The following ZNF407 variants were observed in gnomAD, a reference collection of about 807,000 sequenced individuals.
The protein encoded by ZNF407 is zinc finger protein 407.
ZNF407 carries 17 observed loss-of-function variants against 131.2 expected under a neutral mutation model. The ratio of observed to expected loss-of-function variants is 0.13; its 90% CI spans 0.09 to 0.19. ZNF407 has a LOEUF of 0.19. Ranked by LOEUF, ZNF407 falls within the 10% of genes least tolerant of loss-of-function variation. The probability of loss-of-function intolerance (pLI) is 1.00; values close to 1 mark genes in which losing one functional copy is unlikely to be tolerated. For missense variants in ZNF407, 2,681 were observed against 2,830.6 expected (o/e 0.95, Z 1.20); for synonymous variants, 1,156 against 1,062.0 (o/e 1.09, Z -1.72).
chr18:74,795,811 C>T (rs149725461), intron 4 of ZNF407, among the ~76,000 whole-genome samples: 19 of 152,318 alleles, frequency 1.2e-4, no homozygotes, highest in African/African-American at 3.1e-4. Flanking sequence ...TCGTAAATGA[C>T]GGGTACATGC....
chr18:75,007,940 G>T (rs1179343297), intron 8 of ZNF407, among the ~76,000 whole-genome samples: 1 of 152,196 alleles, frequency 6.6e-6, no homozygotes, highest in African/African-American at 2.4e-5. Flanking sequence ...TTCGAAAGTG[G>T]TTTCTAGACA....
At position 75,064,393 on chromosome 18, in the gene ZNF407, C is replaced by T. The variant is rs1202965491; in HGVS notation, c.6672C>T (p.Ile2224=). Residue 2224 remains isoleucine (I), a synonymous_variant, in exon 9 of 9, where the codon ATC becomes ATT. Coordinates refer to ENST00000299687, the MANE Select transcript of ZNF407 (RefSeq NM_017757.3). ...SRAEQLASVV[I]YTQEGSSAAA... ...CAGAGCAGCTGGCCAGCGTGGTCAT[C>T]TACACCCAGGAGGGCTCCTCGGCCG... 3 of 1,561,934 alleles carry T rather than the reference C, an allele frequency of 1.9e-6. No homozygotes were observed. In the East Asian group the frequency reaches 7.1e-5, roughly 37 times the overall value.
At chr18:74,613,413 C>T (rs1299915662) in intron 1 of ZNF407, among the ~76,000 whole-genome samples, 1 of 152,208 alleles carries the variant, frequency 6.6e-6, no homozygotes, top group Non-Finnish European at 1.5e-5. Context: ...AATTACCTCT[C>T]CTGTGAAGCC....
intron 8 of ZNF407, among the ~76,000 whole-genome samples, chr18:75,052,014 C>G (rs1266767361): frequency 6.6e-6 from 1 of 152,158 alleles, no homozygotes; most frequent in African/African-American, 2.4e-5. Flanking sequence ...TAGATTCGCA[C>G]TCAGGAGAGG....
chr18:74,985,188 T>TA (rs1972638588), intron 8 of ZNF407, among the ~76,000 whole-genome samples: 1 of 152,214 alleles, frequency 6.6e-6, no homozygotes, highest in South Asian at 2.1e-4. Context: ...ATCACCCTGT[T>TA]AAACAGTTTC....
chr18:74,719,333 C>T (rs1682041656), intron 3 of ZNF407, among the ~76,000 whole-genome samples: 2 of 152,314 alleles, frequency 1.3e-5, no homozygotes, highest in African/African-American at 4.8e-5. Context: ...TTCCTCCCTT[C>T]CTCCTACGCT....
intron 8 of ZNF407, among the ~76,000 whole-genome samples, chr18:74,926,176 A>T (rs985053616): frequency 6.6e-5 from 10 of 152,196 alleles, no homozygotes; most frequent in African/African-American, 7.2e-5. Context: ...AGTACCCTCA[A>T]TGTCCATCAT....
chr18:74,646,263 C>T (rs1479842111), intron 3 of ZNF407, among the ~76,000 whole-genome samples: 2 of 152,054 alleles, frequency 1.3e-5, no homozygotes, highest in Admixed American at 6.5e-5. Flanking sequence ...TTAGTTACAC[C>T]CATCATATCT....
intron 8 of ZNF407, among the ~76,000 whole-genome samples, chr18:74,939,147 T>C (rs1482239555): frequency 2.0e-5 from 3 of 152,232 alleles, no homozygotes; most frequent in African/African-American, 7.2e-5. Context: ...TTCTATTGCT[T>C]GTAATATGTA....
intron 8 of ZNF407, among the ~76,000 whole-genome samples, chr18:74,981,982 A>G (rs536861411): frequency 3.7e-4 from 57 of 152,342 alleles, no homozygotes; most frequent in African/African-American, 1.3e-3. Flanking sequence ...TAAAATGGGA[A>G]TTCAGCACAC....
intron 8 of ZNF407, among the ~76,000 whole-genome samples, chr18:74,934,368 T>C (rs1303300232): frequency 6.6e-6 from 1 of 152,216 alleles, no homozygotes; most frequent in Admixed American, 6.5e-5. Flanking sequence ...ACATTCCTTG[T>C]CTGGTTTCAT....
intron 6 of ZNF407, among the ~76,000 whole-genome samples, chr18:74,888,505 C>T (rs1048669885): frequency 6.6e-6 from 1 of 152,014 alleles, no homozygotes; most frequent in South Asian, 2.1e-4. Context: ...CAATTTAGAA[C>T]ATCTCAATTC....
intron 8 of ZNF407, among the ~76,000 whole-genome samples, chr18:75,049,028 T>C (rs571385794): frequency 1.4e-5 from 2 of 143,214 alleles, no homozygotes; most frequent in African/African-American, 5.2e-5. Context: ...ACAGGAAATC[T>C]GAGTGGTGAG....
intron 4 of ZNF407, among the ~76,000 whole-genome samples, chr18:74,821,040 A>G (rs924817265): frequency 2.6e-5 from 4 of 152,092 alleles, no homozygotes; most frequent in African/African-American, 2.4e-5. Context: ...GAGATTGGGC[A>G]GGGACATCAT....
intron 1 of ZNF407, among the ~76,000 whole-genome samples, chr18:74,624,910 TG>T (rs1412255777): frequency 6.6e-6 from 1 of 152,272 alleles, no homozygotes; most frequent in Non-Finnish European, 1.5e-5. Context: ...TTAAATATTC[TG>T]CTTGGGAGTA....
intron 3 of ZNF407, among the ~76,000 whole-genome samples, chr18:74,744,469 G>A (rs1173226728): frequency 1.3e-5 from 2 of 152,108 alleles, no homozygotes; most frequent in Non-Finnish European, 2.9e-5. Flanking sequence ...CAACATTAGA[G>A]TGTTGGCAGA....
intron 1 of ZNF407, among the ~76,000 whole-genome samples, 176 bp from the exon 2 acceptor site, chr18:74,630,791 T>A (rs1201940707): frequency 6.6e-6 from 1 of 152,224 alleles, no homozygotes; most frequent in Non-Finnish European, 1.5e-5. Context: ...TGACATGGTG[T>A]TCCTAAAATC....
chr18:74,945,908 C>CG (rs1463814711), intron 8 of ZNF407, among the ~76,000 whole-genome samples: 1 of 152,126 alleles, frequency 6.6e-6, no homozygotes, highest in Non-Finnish European at 1.5e-5. Context: ...GCTGTCTCCC[C>CG]GACATCTTCA....
At chr18:74,707,647 A>G (rs1177423616) in intron 3 of ZNF407, among the ~76,000 whole-genome samples, 1 of 152,198 alleles carries the variant, frequency 6.6e-6, no homozygotes, top group Non-Finnish European at 1.5e-5. Flanking sequence ...TACTTTCTTT[A>G]GAAAGACTTT....
Sources: allele counts gnomAD v4.1 joint callset (sites outside exome capture counted in the v4.1 genomes callset), GRCh38; gene constraint gnomAD v4.1.1; transcripts MANE v1.5; gene names NCBI Gene and HGNC (gene_info 2026-07-23, HGNC 2026-07-21).